FSTL4: variants seen among roughly 807,000 people sequenced by gnomAD.
The protein encoded by FSTL4 is follistatin like 4, also known as follistatin-related protein 4.
A neutral mutation model predicts 78.2 loss-of-function variants in FSTL4; 28 were observed. The observed-to-expected ratio is 0.36, with a 90% CI of 0.27 to 0.49. The LOEUF (loss-of-function observed/expected upper bound fraction) is 0.49, where lower values mean the gene tolerates loss of function less well. FSTL4 is among the 20% of genes least tolerant of loss of function. FSTL4 has a pLI of 0.98. For missense variants in FSTL4, 922 were observed against 1,084.9 expected, an observed-to-expected ratio of 0.85 and a Z score of 2.11; for synonymous variants, 422 against 440.5, an observed-to-expected ratio of 0.96 and a Z score of 0.53.
intron 3 of FSTL4, among the ~76,000 whole-genome samples, chr5:133,423,919 G>A (rs1002538236): frequency 6.6e-6 from 1 of 152,172 alleles, no homozygotes; most frequent in African/African-American, 2.4e-5. Flanking sequence ...TGCACACAGC[G>A]CACGTGAGCT....
chr5:133,818,708 G>A, the FSTL4 span, among the ~76,000 whole-genome samples: 5 of 149,870 alleles, frequency 3.3e-5, no homozygotes, highest in Non-Finnish European at 5.9e-5. Flanking sequence ...TTTCAGGGGA[G>A]GCTTGACTTT....
intron 6 of FSTL4, among the ~76,000 whole-genome samples, chr5:133,253,801 C>T (rs1314330918): frequency 6.6e-6 from 1 of 152,310 alleles, no homozygotes; most frequent in Admixed American, 6.5e-5. Flanking sequence ...CCACAGATCA[C>T]CACATAGAAT....
chr5:133,739,596 C>T, the FSTL4 span, among the ~76,000 whole-genome samples: 7,509 of 152,266 alleles, frequency 0.049, 241 homozygotes, highest in Admixed American at 0.1. Context: ...CACAGCGTAA[C>T]CTAGGAGCCC....
At chr5:133,678,213 T>C in the FSTL4 span, among the ~76,000 whole-genome samples, 2 of 152,206 alleles carry the variant, frequency 1.3e-5, no homozygotes, top group Non-Finnish European at 1.5e-5. Flanking sequence ...TGGTGATAAG[T>C]ACTAGGCAGA....
the FSTL4 span, among the ~76,000 whole-genome samples, chr5:133,644,658 G>A: frequency 3.9e-5 from 6 of 152,144 alleles, no homozygotes; most frequent in Non-Finnish European, 7.4e-5. Context: ...ATCAGACCAA[G>A]TGACAGCCCG....
At chr5:133,481,873 G>A (rs1758035957) in intron 3 of FSTL4, among the ~76,000 whole-genome samples, 1 of 152,228 alleles carries the variant, frequency 6.6e-6, no homozygotes, top group Non-Finnish European at 1.5e-5. Flanking sequence ...AATCTCCAAT[G>A]CCTCTCTGTG....
the FSTL4 span, chr5:133,720,370 T>C: frequency 6.6e-6 from 1 of 152,288 alleles, no homozygotes; most frequent in Non-Finnish European, 1.5e-5. Flanking sequence ...TTGACAATCA[T>C]ATTTTCATTG....
At chr5:133,493,200 T>A (rs1342293451) in intron 3 of FSTL4, among the ~76,000 whole-genome samples, 2 of 152,128 alleles carry the variant, frequency 1.3e-5, no homozygotes, top group East Asian at 3.9e-4. Context: ...AGTGTGTGAG[T>A]CTGGGGTTAA....
chr5:133,364,285 TTGGGGGTG>T (rs1755131544), intron 4 of FSTL4, among the ~76,000 whole-genome samples: 1 of 150,890 alleles, frequency 6.6e-6, no homozygotes, highest in Non-Finnish European at 1.5e-5. Context: ...CCCGGTTCTG[TTGGGGGTG>T]TGGGGGTGGG....
chr5:133,482,109 G>A (rs990067267), intron 3 of FSTL4, among the ~76,000 whole-genome samples: 4 of 152,234 alleles, frequency 2.6e-5, no homozygotes, highest in South Asian at 2.1e-4. Flanking sequence ...ATGCAAAAAC[G>A]TCCATATTGC....
At chr5:133,224,058 T>G in intron 11 of FSTL4, 132 bp downstream of exon 11, 1 of 627,516 alleles carries the variant, frequency 1.6e-6, no homozygotes, top group Non-Finnish European at 2.8e-6. Flanking sequence ...CCACTTGAAT[T>G]TGACATTGAC....
the FSTL4 span, among the ~76,000 whole-genome samples, chr5:133,687,215 G>A: frequency 1.3e-5 from 2 of 152,294 alleles, no homozygotes; most frequent in East Asian, 1.9e-4. Context: ...GCTAAATAGG[G>A]GGGGCATGGG....
At chr5:133,572,978 C>T (rs1054172730) in intron 2 of FSTL4, among the ~76,000 whole-genome samples, 2 of 152,150 alleles carry the variant, frequency 1.3e-5, no homozygotes, top group Admixed American at 6.6e-5. Flanking sequence ...GGCGAGGTGA[C>T]TCATGCATGT....
the FSTL4 span, among the ~76,000 whole-genome samples, chr5:133,643,805 C>T: frequency 2.0e-5 from 3 of 152,146 alleles, no homozygotes; most frequent in Admixed American, 6.5e-5. Flanking sequence ...CCACAGAGCT[C>T]ACAATGATCA....
the FSTL4 span, among the ~76,000 whole-genome samples, chr5:133,802,816 T>G: frequency 1.3e-5 from 2 of 152,266 alleles, no homozygotes; most frequent in African/African-American, 4.8e-5. Flanking sequence ...ACCACAGAGG[T>G]GGGCAGCTGT....
rs1761108659 is a variant in FSTL4, at chr5:133,612,028, T to C, written c.-11+297A>G. 1.3e-5 allele frequency among the ~76,000 whole-genome samples: 2 copies of C among 151,106 alleles called. No individual in the cohort carries two copies. Among genetic ancestry groups the C allele is most frequent in the African/African-American group, 4.9e-5 (2 of 41,058 alleles). ...CGTGGCGCCCCGCGTGCCAACCGGG[T>C]CACTCCGGTCCCCACCGTAGACCCC... On this transcript the variant is annotated intron_variant, in intron 1 of 15. Coordinates refer to ENST00000265342, the MANE Select transcript of FSTL4 (RefSeq NM_015082.2). This position sits in a 1 kb window ranked among gnomAD's most constrained non-coding sequence, Gnocchi z 6.2.
At chr5:133,315,886 C>T (rs1174551379) in intron 5 of FSTL4, among the ~76,000 whole-genome samples, 1 of 152,230 alleles carries the variant, frequency 6.6e-6, no homozygotes, top group Non-Finnish European at 1.5e-5. Context: ...CCCTGCTCCA[C>T]CTTGTAGCTC....
chr5:133,222,195 AG>A (rs946589656), intron 11 of FSTL4, among the ~76,000 whole-genome samples: 1 of 152,080 alleles, frequency 6.6e-6, no homozygotes, highest in Non-Finnish European at 1.5e-5. Context: ...TGCCACCAGA[AG>A]CAGCTGGAAC....
chr5:133,340,996 C>G (rs1229726644), intron 4 of FSTL4, among the ~76,000 whole-genome samples: 1 of 151,950 alleles, frequency 6.6e-6, no homozygotes, highest in Admixed American at 6.6e-5. Flanking sequence ...TTCAAAACCA[C>G]CCCAAGGCCC....
Sources: gnomAD v4.1 joint callset for allele counts (sites outside exome capture counted in the v4.1 genomes callset) on GRCh38, gnomAD v4.1.1 for gene constraint, Gnocchi (gnomAD v3.1) non-coding constraint, MANE v1.5 for transcripts, NCBI Gene and HGNC (gene_info 2026-07-23, HGNC 2026-07-21) for gene names.